CDC42EP3: variants seen among roughly 807,000 people sequenced by gnomAD.
The protein encoded by CDC42EP3 is CDC42 effector protein (Rho GTPase binding) 3.
In CDC42EP3, 4 loss-of-function variants were observed where a neutral mutation model predicts 15.5. The ratio of observed to expected loss-of-function variants is 0.26; its 90% CI spans 0.13 to 0.59. CDC42EP3 has a LOEUF of 0.59. CDC42EP3 is among the 20% of genes least tolerant of loss of function. CDC42EP3 has a pLI of 0.89. For synonymous variants in CDC42EP3, 145 were observed against 130.3 expected (o/e 1.11, Z -0.77); for missense variants, 309 against 311.2 (o/e 0.99, Z 0.05).
At chr2:37,666,566 C>A (rs1386537031) in intron 1 of CDC42EP3, among the ~76,000 whole-genome samples, 1 of 152,196 alleles carries the variant, frequency 6.6e-6, no homozygotes, top group Non-Finnish European at 1.5e-5. Flanking sequence ...TTCTAGAATT[C>A]TATTAATTCA....
chr2:37,660,977 G>A (rs1666038673), intron 1 of CDC42EP3, among the ~76,000 whole-genome samples: 1 of 152,156 alleles, frequency 6.6e-6, no homozygotes, highest in South Asian at 2.1e-4. Context: ...TGATGAGTAA[G>A]GAAGAGCCTA....
intron 1 of CDC42EP3, among the ~76,000 whole-genome samples, chr2:37,651,146 G>T (rs186036235): frequency 3.2e-4 from 48 of 152,218 alleles, no homozygotes; most frequent in Non-Finnish European, 2.6e-4. Context: ...AAAAAAAGAG[G>T]TGCAAATGCG....
upstream of CDC42EP3, chr2:37,671,820 C>CGCGG (rs1553318879): frequency 1.5e-4 from 23 of 149,426 alleles, 1 homozygote; most frequent in African/African-American, 5.0e-4. Flanking sequence ...GGCGCGCGCG[C>CGCGG]GGGGGGGGGT....
At chr2:37,668,010 G>A (rs1265169576) in intron 1 of CDC42EP3, among the ~76,000 whole-genome samples, 1 of 152,244 alleles carries the variant, frequency 6.6e-6, no homozygotes, top group African/African-American at 2.4e-5. Context: ...ACCTTGGACA[G>A]TACTGAACCC....
At chr2:37,670,674 C>A (rs117856730) in intron 1 of CDC42EP3, among the ~76,000 whole-genome samples, 1 of 152,190 alleles carries the variant, frequency 6.6e-6, no homozygotes, top group East Asian at 1.9e-4. Context: ...AAACTGACCT[C>A]TCCTAGACTG....
chr2:37,666,170 G>T (rs1666242994), intron 1 of CDC42EP3, among the ~76,000 whole-genome samples: 1 of 152,164 alleles, frequency 6.6e-6, no homozygotes, highest in Non-Finnish European at 1.5e-5. Context: ...AGGACATACT[G>T]CGGTTATGTA....
At position 37,646,151 on chromosome 2, in the gene CDC42EP3, T is replaced by C. The variant is rs1180339249; in HGVS notation, c.437A>G (p.Glu146Gly). ...GPAKLPRLSC[E>G]PVMEEKAQEK... is the part of the protein sequence containing the mutation. ...CTGAGCTTTTTCCTCCATGACGGGC[T>C]CGCAGCTAAGCCTGGGCAGCTTTGC... Residue 146 changes from glutamate to glycine, a missense_variant, in exon 2 of 2, where the codon GAG becomes GGG. Coordinates refer to ENST00000295324, the MANE Select transcript of CDC42EP3 (RefSeq NM_006449.5). The C allele has an allele frequency of 1.2e-6, 2 of 1,614,216 alleles. No homozygotes were observed. The highest frequency in any genetic ancestry group is 3.3e-5 in the Admixed American group (2 of 60,026).
At chr2:37,667,191 G>C (rs1666275809) in intron 1 of CDC42EP3, among the ~76,000 whole-genome samples, 1 of 152,140 alleles carries the variant, frequency 6.6e-6, no homozygotes, top group African/African-American at 2.4e-5. Flanking sequence ...AGGGCCCAGG[G>C]GATATGCTGA....
At chr2:37,654,643 G>A (rs887711249) in intron 1 of CDC42EP3, among the ~76,000 whole-genome samples, 1 of 152,160 alleles carries the variant, frequency 6.6e-6, no homozygotes, top group African/African-American at 2.4e-5. Context: ...AGGTGTTCAC[G>A]TTCCCATTTA....
intron 1 of CDC42EP3, among the ~76,000 whole-genome samples, chr2:37,649,113 AGTTTGAGG>A: frequency 6.7e-6 from 1 of 150,056 alleles, no homozygotes; most frequent in Middle Eastern, 3.4e-3. Flanking sequence ...TAAGGCCTGG[AGTTTGAGG>A]TCAGCCTGGG....
upstream of CDC42EP3, chr2:37,672,460 C>T (rs911193899): frequency 6.6e-6 from 1 of 152,204 alleles, no homozygotes; most frequent in East Asian, 1.9e-4. Context: ...GCAAGTGGCG[C>T]AGCTGCCGGC....
intron 1 of CDC42EP3, among the ~76,000 whole-genome samples, chr2:37,658,124 C>A (rs114891047): frequency 2.6e-5 from 4 of 152,144 alleles, no homozygotes; most frequent in Admixed American, 6.5e-5. Flanking sequence ...ACAATTCCCC[C>A]GGCAATCACA....
In CDC42EP3 at chr2:37,642,589, C is replaced by A. The variant is rs1342849620; in HGVS notation, c.*3234G>T. On this transcript the variant is annotated 3_prime_UTR_variant, in exon 2 of 2. Coordinates refer to ENST00000295324, the MANE Select transcript of CDC42EP3 (RefSeq NM_006449.5). ...AGAGAAACCATCATGTTGGCTCATT[C>A]TATTGTGTTTATATATTTCACAGTA... is the stretch of plus-strand genomic sequence containing the variant. 1 of 152,196 alleles carries A rather than the reference C, an allele frequency of 6.6e-6. No individual in the cohort carries two copies. Among genetic ancestry groups the A allele is most frequent in the Non-Finnish European group, 1.5e-5 (1 of 68,038 alleles). 9.4% of individuals were successfully genotyped at this position (152,196 alleles called of 1,614,324 possible).
At position 37,659,824 on chromosome 2, in the gene CDC42EP3, A is replaced by G. The variant is rs145759151; in HGVS notation, c.-236+11602T>C. On this transcript the variant is annotated intron_variant, in intron 1 of 1. Transcript: ENST00000295324. ...TTTGGAAGATCAATGTGTGACTGGC[A>G]CAGATCAGATATGTGGGGAAAAATA... Among the ~76,000 whole-genome samples the G allele has an allele frequency of 9.6e-3, 1,469 of 152,356 alleles. 16 individuals carry two copies. Among genetic ancestry groups the G allele is most frequent in the Non-Finnish European group, 0.013 (854 of 68,024 alleles).
chr2:37,647,879 C>G (rs1405688397), intron 1 of CDC42EP3, among the ~76,000 whole-genome samples: 1 of 152,192 alleles, frequency 6.6e-6, no homozygotes, highest in Non-Finnish European at 1.5e-5. Flanking sequence ...TGTTGGGGAG[C>G]TTGGAAGTAG....
At chr2:37,650,432 G>A (rs748563226) in intron 1 of CDC42EP3, among the ~76,000 whole-genome samples, 12 of 152,198 alleles carry the variant, frequency 7.9e-5, no homozygotes, top group Non-Finnish European at 1.3e-4. Flanking sequence ...GAGAGGGTAT[G>A]AGCATCTCCT....
chr2:37,658,209 C>A (rs1352198586), intron 1 of CDC42EP3, among the ~76,000 whole-genome samples: 1 of 152,196 alleles, frequency 6.6e-6, no homozygotes, highest in Admixed American at 6.5e-5. Context: ...ACCAGTGCTA[C>A]TCAAAGTGGG....
intron 1 of CDC42EP3, among the ~76,000 whole-genome samples, chr2:37,653,576 C>A (rs60947839): frequency 2.0e-5 from 3 of 152,058 alleles, no homozygotes; most frequent in African/African-American, 7.3e-5. Flanking sequence ...GAAAATCAAG[C>A]GGTTTTAAAA....
chr2:37,654,802 C>A (rs1239632432), intron 1 of CDC42EP3, among the ~76,000 whole-genome samples: 1 of 152,188 alleles, frequency 6.6e-6, no homozygotes, highest in Non-Finnish European at 1.5e-5. Context: ...AAATGACCAG[C>A]CAATCTTTGG....
Sources: gnomAD v4.1 joint callset for allele counts (sites outside exome capture counted in the v4.1 genomes callset) on GRCh38, gnomAD v4.1.1 for gene constraint, MANE v1.5 for transcripts, NCBI Gene and HGNC (gene_info 2026-07-23, HGNC 2026-07-21) for gene names.